Variants in PPIP5K1 observed in about 807,000 individuals in gnomAD.
PPIP5K1 encodes the protein inositol hexakisphosphate and diphosphoinositol-pentakisphosphate kinase 1.
A neutral mutation model predicts 27.7 loss-of-function variants in PPIP5K1; 6 were observed. The observed-to-expected ratio is 0.22, with a 90% CI of 0.12 to 0.43. The LOEUF (loss-of-function observed/expected upper bound fraction) is 0.43, where lower values mean the gene tolerates loss of function less well. Ranked by LOEUF, PPIP5K1 falls within the 20% of genes least tolerant of loss-of-function variation. The pLI, the probability that PPIP5K1 is intolerant of heterozygous loss-of-function variation, is 1.00. For missense variants in PPIP5K1, 394 were observed against 635.4 expected (o/e 0.62, Z 4.08); for synonymous variants, 145 against 242.6 (o/e 0.60, Z 3.74).
chr15:43,535,994 C>T, intron 31 of PPIP5K1: 2 of 946,418 alleles, frequency 2.1e-6, no homozygotes, highest in Admixed American at 3.2e-5. Context: ...TGATGTACAC[C>T]TTCTGTTAAG....
intron 30 of PPIP5K1, among the ~76,000 whole-genome samples, chr15:43,550,973 C>A (rs1427556822): frequency 2.0e-5 from 3 of 152,060 alleles, no homozygotes; most frequent in Admixed American, 2.0e-4. Flanking sequence ...GTGTATAATT[C>A]TTTTATTGTG....
At chr15:43,536,288 G>A (rs961776161) in intron 31 of PPIP5K1, 7 of 321,866 alleles carry the variant, frequency 2.2e-5, no homozygotes, top group Admixed American at 4.7e-5. Context: ...GCGTAGTGGC[G>A]GCTGTCTGTA....
intron 30 of PPIP5K1, among the ~76,000 whole-genome samples, chr15:43,547,987 C>T (rs1224209231): frequency 6.6e-6 from 1 of 152,144 alleles, no homozygotes; most frequent in Non-Finnish European, 1.5e-5. Flanking sequence ...ACATGAAATG[C>T]CTTTCCATTT....
rs2079618856 is a variant in PPIP5K1, at chr15:43,534,874, C to T, written c.4273G>A (p.Val1425Ile). ...GSLVQETLVE[V>I]GSPAEEIPEE... Reference sequence around the variant, plus strand: ...GGGATCTCTTCAGCTGGGCTGCCAACTTCTACAAGGGTTTCCTGGACCAAG... The same window carrying T: ...GGGATCTCTTCAGCTGGGCTGCCAATTTCTACAAGGGTTTCCTGGACCAAG... Residue 1425 changes from valine (V) to isoleucine (I), a missense_variant, in exon 32 of 32, where the codon GTT becomes ATT. By Grantham distance (29) the Val-to-Ile change is conservative. Around this residue, in one of 4 missense-constraint regions of PPIP5K1, gnomAD observed 379 missense variants for 423.9 expected, o/e 0.89. Coordinates refer to ENST00000420765, the MANE Select transcript of PPIP5K1 (RefSeq NM_001394395.1). 4 of 1,614,032 alleles carry T rather than the reference C, an allele frequency of 2.5e-6. No homozygotes were observed. The South Asian group carries it at 3.3e-5, about 13-fold the overall frequency.
Position 43,534,563 on chromosome 15 carries a change from G to T in PPIP5K1, c.*111C>A. On this transcript the variant is annotated 3_prime_UTR_variant, in exon 32 of 32. Transcript: ENST00000420765. ...TTGCTGGTGGAAGGGGTGAGTGCTG[G>T]TCATGGGCTAGAGACTGGCTCTGAG... 1 of 950,672 alleles carries T rather than the reference G, an allele frequency of 1.1e-6. No individual in the cohort carries two copies. The highest frequency in any genetic ancestry group is 1.6e-6 in the Non-Finnish European group (1 of 645,034). 58.9% of individuals were successfully genotyped at this position (950,672 alleles called of 1,614,324 possible). A position where few individuals can be genotyped will look rare whatever the true frequency, so the allele number is the denominator to read the frequency against.
In PPIP5K1 at chr15:43,548,162, G is replaced by A. The variant is rs557921643; in HGVS notation, c.3557-8579C>T. Among the ~76,000 whole-genome samples, 228 of 151,392 alleles carry A rather than the reference G, an allele frequency of 1.5e-3. 1 individual carries two copies. Among genetic ancestry groups the A allele is most frequent in the Non-Finnish European group, 2.3e-3 (156 of 67,798 alleles). On this transcript the variant is annotated intron_variant, in intron 30 of 31. Transcript: ENST00000420765. ...CACCCAGGCTGGAGTGCACTGGCGCGATCTTGGCTCACTGCAACCTCCGCC... is the reference window on the plus strand; with the variant it reads ...CACCCAGGCTGGAGTGCACTGGCGCAATCTTGGCTCACTGCAACCTCCGCC...
intron 31 of PPIP5K1, among the ~76,000 whole-genome samples, chr15:43,535,735 TG>T (rs1474048277): frequency 1.3e-5 from 2 of 152,204 alleles, no homozygotes; most frequent in Non-Finnish European, 2.9e-5. Context: ...CCACTTCATC[TG>T]GTTCTTTCAC....
chr15:43,543,947 A>G (rs1011094147), intron 30 of PPIP5K1, among the ~76,000 whole-genome samples: 6 of 152,040 alleles, frequency 3.9e-5, no homozygotes, highest in Admixed American at 3.9e-4. Context: ...AAGTATTCTA[A>G]AGTTATTGAA....
chr15:43,559,967 G>C lies in PPIP5K1; in HGVS notation c.3418+446C>G, dbSNP rs373024637. On this transcript the variant is annotated intron_variant, in intron 29 of 31. Transcript: ENST00000420765. ...GGATTATAGCCTGACCATCTTCGAA[G>C]CTCTGGACTTTGCCCCAAGGATACA... Among the ~76,000 whole-genome samples, 165 of 150,220 alleles carry C rather than the reference G, an allele frequency of 1.1e-3. 1 individual carries two copies. The highest frequency in any genetic ancestry group is 3.4e-3 in the Middle Eastern group (1 of 290).
chr15:43,551,748 G>A (rs1483029191), intron 30 of PPIP5K1, among the ~76,000 whole-genome samples: 1 of 147,832 alleles, frequency 6.8e-6, no homozygotes, highest in Non-Finnish European at 1.5e-5. Context: ...GACTACAGGC[G>A]CCCGCCACTA....
intron 30 of PPIP5K1, among the ~76,000 whole-genome samples, 198 bp downstream of exon 30, chr15:43,558,597 T>G (rs1420373166): frequency 6.6e-6 from 1 of 152,078 alleles, no homozygotes; most frequent in Non-Finnish European, 1.5e-5. Context: ...CCTCAGGTGA[T>G]CCACCTGCCT....
chr15:43,557,124 A>T (rs1017886108), intron 30 of PPIP5K1, among the ~76,000 whole-genome samples: 1 of 152,078 alleles, frequency 6.6e-6, no homozygotes, highest in Non-Finnish European at 1.5e-5. Flanking sequence ...TCAAATGCCT[A>T]TTCAATTTAC....
At position 43,539,474 on chromosome 15, in the gene PPIP5K1, AG is replaced by A. The variant is rs960543971; in HGVS notation, c.3665del (p.Pro1222LeufsTer22). 1 of 1,576,732 alleles carries A rather than the reference AG, an allele frequency of 6.3e-7. No homozygotes were observed. Among genetic ancestry groups the A allele is most frequent in the Non-Finnish European group, 8.7e-7 (1 of 1,150,690 alleles). ...LQLQQRSEKP[P>X]WYSSGPSSTV... ...AGTTCCAAAAGGATTACTTACACCA[AG>A]GGGGCTTCTCAGAGCGCTGCTGGAG... On this transcript the variant is annotated frameshift_variant, in exon 31 of 32. Transcript: ENST00000420765. LOFTEE classifies it low-confidence loss of function (END_TRUNC).
intron 30 of PPIP5K1, among the ~76,000 whole-genome samples, chr15:43,546,549 A>T (rs991830676): frequency 1.3e-5 from 2 of 151,786 alleles, no homozygotes; most frequent in African/African-American, 4.8e-5. Context: ...CCTTGGCCTA[A>T]CAAAGAGCTG....
At chr15:43,550,394 C>T (rs1453857719) in intron 30 of PPIP5K1, among the ~76,000 whole-genome samples, 1 of 152,138 alleles carries the variant, frequency 6.6e-6, no homozygotes, top group Non-Finnish European at 1.5e-5. Context: ...GATCCTGCCA[C>T]CTCAGCTTCC....
intron 30 of PPIP5K1, among the ~76,000 whole-genome samples, chr15:43,556,094 C>T (rs1401313503): frequency 6.6e-6 from 1 of 151,938 alleles, no homozygotes; most frequent in African/African-American, 2.4e-5. Flanking sequence ...TCAAGTCAGG[C>T]GGATCACGAG....
At chr15:43,559,115 T>C (rs1387416615) in intron 29 of PPIP5K1, among the ~76,000 whole-genome samples, 183 bp from the exon 30 acceptor site, 2 of 152,162 alleles carry the variant, frequency 1.3e-5, no homozygotes, top group Non-Finnish European at 2.9e-5. Context: ...TTTTCTCACC[T>C]TCAGATTTCC....
intron 30 of PPIP5K1, among the ~76,000 whole-genome samples, chr15:43,542,548 T>G (rs778967003): frequency 5.3e-5 from 8 of 151,372 alleles, no homozygotes; most frequent in Admixed American, 6.6e-5. Context: ...GCCTTGGCCT[T>G]CGAAAGTGCT....
At position 43,535,045 on chromosome 15, in the gene PPIP5K1, G is replaced by C; in HGVS notation, c.4102C>G (p.Gln1368Glu). 6.2e-7 allele frequency: 1 copy of C among 1,613,658 alleles called. No homozygotes were observed. ...TTCTGGCACAGTTGGCTGGACTTCT[G>C]GCATGGCTGGCTGATGTGAGGGACC... ...QEVPHISQPC[Q>E]KSSQLCQKVS... The change falls in exon 32 of 32, where the codon CAG (glutamine) becomes GAG (glutamate). Residue 1368 changes from glutamine to glutamate, a missense_variant. By Grantham distance (29) the Gln-to-Glu change is conservative. Coordinates refer to ENST00000420765, the MANE Select transcript of PPIP5K1 (RefSeq NM_001394395.1).
Sources: allele counts gnomAD v4.1 joint callset (sites outside exome capture counted in the v4.1 genomes callset), GRCh38; gene constraint gnomAD v4.1.1; regional missense constraint gnomAD v4.1.1; transcripts MANE v1.5; gene names NCBI Gene and HGNC (gene_info 2026-07-23, HGNC 2026-07-21).